The following WIPF3 variants were observed in gnomAD, a reference collection of about 807,000 sequenced individuals.
WIPF3 encodes WAS/WASL interacting protein family member 3, also known as WAS/WASL-interacting protein family member 3.
In WIPF3, 33 loss-of-function variants were observed where a neutral mutation model predicts 38.9. The ratio of observed to expected loss-of-function variants is 0.85; its 90% CI spans 0.64 to 1.14. WIPF3 has a LOEUF of 1.14. Among genes scored for constraint, WIPF3 ranks in the 50% most tolerant of loss-of-function variants. The pLI is 0.00. For missense variants in WIPF3, 711 were observed against 652.5 expected (o/e 1.09, Z -0.98); for synonymous variants, 324 against 269.3 (o/e 1.20, Z -1.99).
chr7:29,856,484 C>T (rs999619168), intron 2 of WIPF3, among the ~76,000 whole-genome samples: 8 of 151,926 alleles, frequency 5.3e-5, no homozygotes, highest in Admixed American at 3.3e-4. Context: ...AAAAATTAGC[C>T]GAGCATGTTG....
chr7:29,890,097 G>A (rs1295847630), intron 7 of WIPF3, among the ~76,000 whole-genome samples: 1 of 152,172 alleles, frequency 6.6e-6, no homozygotes, highest in African/African-American at 2.4e-5. Context: ...CATGATCCAT[G>A]CCTGTAACCC....
At chr7:29,821,794 C>G (rs991099440) in intron 1 of WIPF3, among the ~76,000 whole-genome samples, 4 of 152,148 alleles carry the variant, frequency 2.6e-5, no homozygotes, top group African/African-American at 9.7e-5. Context: ...ACATTTCATT[C>G]TGCTCATTTT....
chr7:29,864,450 C>T (rs897978416), intron 2 of WIPF3, among the ~76,000 whole-genome samples: 2 of 152,110 alleles, frequency 1.3e-5, no homozygotes, highest in South Asian at 4.1e-4. Context: ...ATAACGTTTG[C>T]GTTCAGTTGT....
intron 2 of WIPF3, among the ~76,000 whole-genome samples, chr7:29,863,075 G>C (rs1280932638): frequency 6.6e-6 from 1 of 151,754 alleles, no homozygotes; most frequent in African/African-American, 2.4e-5. Flanking sequence ...TATTTATTTT[G>C]AAATTAACAT....
intron 2 of WIPF3, among the ~76,000 whole-genome samples, chr7:29,874,661 G>A (rs1432865505): frequency 1.3e-5 from 2 of 152,116 alleles, no homozygotes; most frequent in South Asian, 2.1e-4. Flanking sequence ...AATCCTCCTG[G>A]CTGTGGCTTC....
chr7:29,888,510 C>T (rs174977), intron 6 of WIPF3, among the ~76,000 whole-genome samples: 81,263 of 147,494 alleles, frequency 0.55, 22,761 homozygotes, highest in East Asian at 0.77. Context: ...CGTGTGTGTG[C>T]GTGTGTGTGT....
At chr7:29,810,641 G>A (rs1784358122) in intron 1 of WIPF3, among the ~76,000 whole-genome samples, 1 of 152,182 alleles carries the variant, frequency 6.6e-6, no homozygotes, top group Non-Finnish European at 1.5e-5. Context: ...ATTTCCAATA[G>A]TTATCTCCTT....
chr7:29,883,063 G>C (rs1295665487), intron 4 of WIPF3, among the ~76,000 whole-genome samples: 2 of 152,214 alleles, frequency 1.3e-5, no homozygotes, highest in East Asian at 3.9e-4. Flanking sequence ...TCCTGGGGAC[G>C]TGCTCCACCT....
chr7:29,889,511 A>G (rs1785963093), intron 7 of WIPF3, 104 bp downstream of exon 7: 1 of 834,676 alleles, frequency 1.2e-6, no homozygotes, highest in South Asian at 1.5e-5. Flanking sequence ...TGATGTCATG[A>G]TTTCACTGTA....
chr7:29,914,213 C>T (rs1211796504), intron 8 of WIPF3, among the ~76,000 whole-genome samples: 5 of 152,148 alleles, frequency 3.3e-5, no homozygotes. Flanking sequence ...TTTCTCTGAG[C>T]TTCCTGTCAA....
chr7:29,866,248 T>A (rs757723950), intron 2 of WIPF3, among the ~76,000 whole-genome samples: 1 of 152,260 alleles, frequency 6.6e-6, no homozygotes, highest in Non-Finnish European at 1.5e-5. Flanking sequence ...AATTTTGGAA[T>A]TTTCCCTTGC....
intron 2 of WIPF3, among the ~76,000 whole-genome samples, chr7:29,839,003 T>C (rs151126194): frequency 6.6e-6 from 1 of 152,060 alleles, no homozygotes; most frequent in African/African-American, 2.4e-5. Flanking sequence ...AACTACAGTG[T>C]TTAGGAATGC....
At chr7:29,833,331 G>C (rs1381567390) in intron 1 of WIPF3, among the ~76,000 whole-genome samples, 1 of 152,156 alleles carries the variant, frequency 6.6e-6, no homozygotes, top group Non-Finnish European at 1.5e-5. Flanking sequence ...TGATATTCTT[G>C]GACTTTAGAA....
At chr7:29,910,273 T>C (rs1437952824) in intron 8 of WIPF3, among the ~76,000 whole-genome samples, 3 of 152,078 alleles carry the variant, frequency 2.0e-5, no homozygotes, top group African/African-American at 7.2e-5. Flanking sequence ...AGTAAGGACA[T>C]TTAACCATTA....
intron 7 of WIPF3, among the ~76,000 whole-genome samples, chr7:29,900,058 C>T (rs1786242308): frequency 6.6e-6 from 1 of 152,128 alleles, no homozygotes; most frequent in African/African-American, 2.4e-5. Flanking sequence ...CTGCCTCAGC[C>T]TCTTGAGTAG....
Position 29,822,714 on chromosome 7 carries a change from A to G in WIPF3, c.-57-11954A>G, listed in dbSNP as rs192661626. On this transcript the variant is annotated intron_variant, in intron 1 of 8. Transcript: ENST00000242140. ...CAACCCGTGTCAGATCATCCTGAGCAATGAACCGTCCTGTCTCATTCATTA... is the reference window on the plus strand; with the variant it reads ...CAACCCGTGTCAGATCATCCTGAGCGATGAACCGTCCTGTCTCATTCATTA... Among the ~76,000 whole-genome samples the G allele has an allele frequency of 5.2e-3, 798 of 152,358 alleles. 4 individuals are homozygous for G. The highest frequency in any genetic ancestry group is 0.018 in the African/African-American group (735 of 41,586).
At chr7:29,869,910 G>A (rs558408072) in intron 2 of WIPF3, among the ~76,000 whole-genome samples, 17 of 152,304 alleles carry the variant, frequency 1.1e-4, no homozygotes, top group Admixed American at 3.3e-4. Flanking sequence ...ATGGTACCCC[G>A]TGGAAATCTG....
intron 1 of WIPF3, among the ~76,000 whole-genome samples, chr7:29,822,130 T>C (rs1167899254): frequency 8.2e-5 from 12 of 146,414 alleles, no homozygotes; most frequent in African/African-American, 3.0e-4. Flanking sequence ...TTAGTTTTTT[T>C]TTTTTTTTTT....
chr7:29,830,971 G>A (rs1351696797), intron 1 of WIPF3, among the ~76,000 whole-genome samples: 1 of 152,198 alleles, frequency 6.6e-6, no homozygotes, highest in African/African-American at 2.4e-5. Context: ...CGGTGCTTTT[G>A]TGGTCATTCC....
Sources: gnomAD v4.1 joint callset for allele counts (sites outside exome capture counted in the v4.1 genomes callset) on GRCh38, gnomAD v4.1.1 for gene constraint, MANE v1.5 for transcripts, NCBI Gene and HGNC (gene_info 2026-07-23, HGNC 2026-07-21) for gene names.